The following SNX29 variants were observed in gnomAD, a reference collection of about 807,000 sequenced individuals.
SNX29 encodes sorting nexin 29.
SNX29 carries 78 observed loss-of-function variants against 102.1 expected under a neutral mutation model. The observed-to-expected ratio is 0.76, with a 90% confidence interval of 0.64 to 0.92. The LOEUF (loss-of-function observed/expected upper bound fraction) is 0.92, where lower values mean the gene tolerates loss of function less well. Among genes scored for constraint, SNX29 ranks in the 40% least tolerant of loss-of-function variants. SNX29 has a pLI of 0.00. For synonymous variants in SNX29, 580 were observed against 414.5 expected, an observed-to-expected ratio of 1.40 and a Z score of -4.85; for missense variants, 1,280 against 1,061.7, an observed-to-expected ratio of 1.21 and a Z score of -2.86.
chr16:12,288,408 T>A (rs1409480511), intron 15 of SNX29, among the ~76,000 whole-genome samples: 1 of 152,224 alleles, frequency 6.6e-6, no homozygotes. Flanking sequence ...CCTACAAATG[T>A]GACTGCAAAA....
At chr16:12,066,067 C>G (rs745398045) in intron 9 of SNX29, among the ~76,000 whole-genome samples, 2 of 152,188 alleles carry the variant, frequency 1.3e-5, no homozygotes, top group Non-Finnish European at 2.9e-5. Flanking sequence ...GGGCAATCAC[C>G]TGGGACCGTG....
At chr16:12,421,828 T>C (rs551466990) in intron 18 of SNX29, among the ~76,000 whole-genome samples, 7 of 151,082 alleles carry the variant, frequency 4.6e-5, no homozygotes, top group Non-Finnish European at 7.4e-5. Flanking sequence ...TCACCATCAC[T>C]AGCCATGCAT....
intron 13 of SNX29, among the ~76,000 whole-genome samples, chr16:12,169,354 A>T (rs940730783): frequency 3.9e-5 from 6 of 152,136 alleles, no homozygotes; most frequent in African/African-American, 1.2e-4. Flanking sequence ...ACAAGCCAAA[A>T]TGTAGCTCTC....
At chr16:12,112,695 A>G (rs541013804) in intron 11 of SNX29, among the ~76,000 whole-genome samples, 1 of 152,318 alleles carries the variant, frequency 6.6e-6, no homozygotes, top group African/African-American at 2.4e-5. Flanking sequence ...GTTTCGAGTG[A>G]AAGGGTGCTA....
chr16:12,547,566 C>T (rs543494179), intron 20 of SNX29, among the ~76,000 whole-genome samples: 5 of 151,924 alleles, frequency 3.3e-5, no homozygotes, highest in African/African-American at 7.3e-5. Context: ...GGTTAACATC[C>T]CCCTCCCTCA....
chr16:12,560,425 G>A lies in SNX29; in HGVS notation c.2319-8081G>A, dbSNP rs781408420. Among the ~76,000 whole-genome samples the A allele has an allele frequency of 2.6e-5, 4 of 152,244 alleles. No individual in the cohort carries two copies. In the South Asian group the frequency reaches 6.2e-4, roughly 24 times the overall value. On this transcript the variant is annotated intron_variant, in intron 20 of 20. Coordinates refer to ENST00000566228, the MANE Select transcript of SNX29 (RefSeq NM_032167.5). Reference sequence around the variant, plus strand: ...CAAAAGCCACAGTGTCTGTCCTGTAGGCATCCATGTCCCCAGCCCCGAGTC... The same window carrying A: ...CAAAAGCCACAGTGTCTGTCCTGTAAGCATCCATGTCCCCAGCCCCGAGTC...
chr16:12,563,396 A>C (rs947316083), intron 20 of SNX29, among the ~76,000 whole-genome samples: 2 of 152,228 alleles, frequency 1.3e-5, no homozygotes, highest in Non-Finnish European at 2.9e-5. Context: ...GTAACCATGA[A>C]AATAGATGGC....
At chr16:12,095,769 G>A (rs748169290) in intron 11 of SNX29, among the ~76,000 whole-genome samples, 5 of 152,186 alleles carry the variant, frequency 3.3e-5, no homozygotes, top group South Asian at 4.2e-4. Flanking sequence ...CAGACCATCC[G>A]GCCCATTTGT....
chr16:12,555,163 G>A (rs138000761), intron 20 of SNX29, among the ~76,000 whole-genome samples: 138 of 152,002 alleles, frequency 9.1e-4, no homozygotes, highest in Non-Finnish European at 1.5e-3. Context: ...GACAGGGTCT[G>A]GCATCAGTGG....
In SNX29 at chr16:12,571,722, AAAGGCTGCTAGAAAC is replaced by A; in HGVS notation, c.*3094_*3108del. 1 of 1,050,626 alleles carries A rather than the reference AAAGGCTGCTAGAAAC, an allele frequency of 9.5e-7. No homozygotes were observed. Among genetic ancestry groups the A allele is most frequent in the Non-Finnish European group, 1.2e-6 (1 of 867,038 alleles). The allele number at this position is 1,050,626 out of a possible 1,614,324, so 65.1% of individuals were successfully genotyped here. On this transcript the variant is annotated 3_prime_UTR_variant, in exon 21 of 21. Coordinates refer to ENST00000566228, the MANE Select transcript of SNX29 (RefSeq NM_032167.5). ...CAAAAGCTTCTAAGGGAGGGAGCTT[AAAGGCTGCTAGAAAC>A]CTAGCCCAACCATCCACTCCTGATC...
At chr16:12,310,809 A>G (rs919673300) in intron 15 of SNX29, among the ~76,000 whole-genome samples, 9 of 152,224 alleles carry the variant, frequency 5.9e-5, no homozygotes, top group African/African-American at 2.2e-4. Context: ...GCTTAAAAAA[A>G]AAATAAAGGC....
intron 20 of SNX29, among the ~76,000 whole-genome samples, chr16:12,542,504 G>C (rs374179531): frequency 6.6e-6 from 1 of 152,190 alleles, no homozygotes; most frequent in East Asian, 1.9e-4. Flanking sequence ...GCTCATTTTT[G>C]TATTTTTAGG....
intron 15 of SNX29, among the ~76,000 whole-genome samples, 166 bp from the exon 16 acceptor site, chr16:12,355,997 A>G (rs946485566): frequency 2.0e-5 from 3 of 152,010 alleles, no homozygotes; most frequent in Non-Finnish European, 4.4e-5. Flanking sequence ...CATTGAGCTT[A>G]TGGGTGGATT....
chr16:12,273,946 C>T lies in SNX29; in HGVS notation c.1679-3987C>T, dbSNP rs565571918. On this transcript the variant is annotated intron_variant, in intron 14 of 20. Transcript: ENST00000566228. ...TTCCTCTCATGGCTGAATAGTACAA[C>T]CCTGCATGGCTAGACCGCATCTTGT... 3.3e-5 allele frequency among the ~76,000 whole-genome samples: 5 copies of T among 152,304 alleles called. No homozygotes were observed. In the East Asian group the frequency reaches 9.6e-4, roughly 29 times the overall value.
At chr16:12,388,568 A>G (rs967533224) in intron 16 of SNX29, among the ~76,000 whole-genome samples, 1 of 152,252 alleles carries the variant, frequency 6.6e-6, no homozygotes, top group African/African-American at 2.4e-5. Context: ...CCCACATAGT[A>G]CATGACTGTG....
In SNX29 at chr16:12,426,019, A is replaced by G. The variant is rs536187429; in HGVS notation, c.2037+22490A>G. Among the ~76,000 whole-genome samples the G allele has an allele frequency of 9.9e-5, 15 of 152,146 alleles. No individual in the cohort carries two copies. The East Asian group carries it at 1.4e-3, about 14-fold the overall frequency. ...GGGCATTGGCCAGAGACCTTTTAAAATTATTTTATAGGAGTACTAAAGGCT... is the reference window on the plus strand; with the variant it reads ...GGGCATTGGCCAGAGACCTTTTAAAGTTATTTTATAGGAGTACTAAAGGCT... On this transcript the variant is annotated intron_variant, in intron 18 of 20. Transcript: ENST00000566228.
chr16:12,438,134 G>A (rs1002639247), intron 18 of SNX29, among the ~76,000 whole-genome samples: 7 of 152,192 alleles, frequency 4.6e-5, no homozygotes, highest in African/African-American at 1.7e-4. Context: ...GGAGTGGGGA[G>A]GTGAGGGGGC....
At chr16:12,353,389 C>T (rs1476382081) in intron 15 of SNX29, among the ~76,000 whole-genome samples, 2 of 152,130 alleles carry the variant, frequency 1.3e-5, no homozygotes, top group African/African-American at 2.4e-5. Context: ...GGAACTTATC[C>T]TGCCCCAGAT....
At chr16:12,243,434 G>T (rs1434439850) in intron 14 of SNX29, among the ~76,000 whole-genome samples, 1 of 152,196 alleles carries the variant, frequency 6.6e-6, no homozygotes, top group East Asian at 1.9e-4. Context: ...TCTCTATGAT[G>T]AATTTATTAA....
Sources: gnomAD v4.1 joint callset for allele counts (sites outside exome capture counted in the v4.1 genomes callset) on GRCh38, gnomAD v4.1.1 for gene constraint, MANE v1.5 for transcripts, NCBI Gene and HGNC (gene_info 2026-07-23, HGNC 2026-07-21) for gene names.